SVOPL: variants seen among roughly 807,000 people sequenced by gnomAD.
The protein encoded by SVOPL is putative transporter SVOPL.
In SVOPL, 60 loss-of-function variants were observed where a neutral mutation model predicts 61.0. That is an observed-to-expected ratio of 0.98 (90% CI 0.80 to 1.22). The LOEUF (loss-of-function observed/expected upper bound fraction) is 1.22, where lower values mean the gene tolerates loss of function less well. SVOPL is among the 50% of genes most tolerant of loss of function. The probability of loss-of-function intolerance (pLI) is 0.00; values close to 1 mark genes in which losing one functional copy is unlikely to be tolerated. For missense variants in SVOPL, 662 were observed against 643.9 expected (o/e 1.03, Z -0.30); for synonymous variants, 279 against 250.0 (o/e 1.12, Z -1.09).
At chr7:138,676,270 G>A (rs113379411) in intron 3 of SVOPL, among the ~76,000 whole-genome samples, 1 of 152,166 alleles carries the variant, frequency 6.6e-6, no homozygotes, top group Non-Finnish European at 1.5e-5. Flanking sequence ...AATAGCGTAG[G>A]GTGTTTGTCT....
chr7:138,690,835 C>T (rs1417208747), intron 1 of SVOPL, among the ~76,000 whole-genome samples: 2 of 151,928 alleles, frequency 1.3e-5, no homozygotes, highest in Non-Finnish European at 2.9e-5. Flanking sequence ...TGCAGTGGCG[C>T]AATCTCAGCT....
rs752841132 is a variant in SVOPL at position 138,656,497 on chromosome 7, G to A, written c.485C>T (p.Thr162Ile). 6.2e-7 allele frequency: 1 copy of A among 1,613,952 alleles called. No individual in the cohort carries two copies. Among genetic ancestry groups the A allele is most frequent in the Non-Finnish European group, 8.5e-7 (1 of 1,179,960 alleles). Residue 162 changes from threonine to isoleucine, a missense_variant, in exon 7 of 16, where the codon ACT (threonine) becomes ATT (isoleucine). Transcript: ENST00000674285. ...TCGGTATTTCGTGGGCAAAAATTCA[G>A]TCTTTATGATTAACCTAAACAGGAA... ...SGHSQGLIIK[T>I]EFLPTKYRGY...
intron 6 of SVOPL, among the ~76,000 whole-genome samples, chr7:138,658,572 G>A (rs1007082949): frequency 7.2e-5 from 11 of 152,094 alleles, no homozygotes; most frequent in African/African-American, 2.2e-4. Flanking sequence ...CCACCACCAC[G>A]CCCAGCCTGG....
chr7:138,697,888 C>T (rs1803105338), intron 1 of SVOPL, among the ~76,000 whole-genome samples: 1 of 151,466 alleles, frequency 6.6e-6, no homozygotes, highest in Non-Finnish European at 1.5e-5. Flanking sequence ...TAGGAACAAA[C>T]AATTCACAAG....
At chr7:138,645,392 A>ACG (rs2117003493) in intron 8 of SVOPL, among the ~76,000 whole-genome samples, 1 of 152,278 alleles carries the variant, frequency 6.6e-6, no homozygotes, top group East Asian at 1.9e-4. Context: ...CCCGTCTCTC[A>ACG]CGCCTCACGC....
intron 13 of SVOPL, chr7:138,625,299 T>C (rs1584797333): frequency 6.6e-6 from 1 of 152,208 alleles, no homozygotes; most frequent in Admixed American, 6.5e-5. Flanking sequence ...TTAATCGCAA[T>C]AGACTTCCCC....
intron 8 of SVOPL, among the ~76,000 whole-genome samples, chr7:138,648,494 G>A (rs1393628780): frequency 7.4e-6 from 1 of 135,494 alleles, no homozygotes; most frequent in Non-Finnish European, 1.5e-5. Context: ...GAGGTCAGGA[G>A]ATCGAGACCA....
chr7:138,601,756 A>G (rs532296137), intron 14 of SVOPL, among the ~76,000 whole-genome samples: 1 of 152,224 alleles, frequency 6.6e-6, no homozygotes, highest in East Asian at 1.9e-4. Flanking sequence ...CCTAGAAATT[A>G]TTCAATAGAC....
intron 11 of SVOPL, 41 bp downstream of exon 11, chr7:138,628,117 C>A: frequency 6.2e-7 from 1 of 1,609,722 alleles, no homozygotes; most frequent in Non-Finnish European, 8.5e-7. Context: ...GCACATAGAC[C>A]ACCCAAGACA....
In SVOPL at chr7:138,594,531, C is replaced by A; in HGVS notation, c.*79G>T. On this transcript the variant is annotated 3_prime_UTR_variant, in exon 16 of 16. Transcript: ENST00000674285. ...TACCGAGTAGCATACAGAAGTAAAA[C>A]CAAGTTTTAAAAAAATGCACCGCAG... 2 of 1,434,140 alleles carry A rather than the reference C, an allele frequency of 1.4e-6. No individual in the cohort carries two copies. The highest frequency in any genetic ancestry group is 4.6e-5 in the East Asian group (2 of 43,146). The allele number at this position is 1,434,140 out of a possible 1,614,324, so 88.8% of individuals were successfully genotyped here. A position where few individuals can be genotyped will look rare whatever the true frequency, so the allele number is the denominator to read the frequency against.
chr7:138,645,033 T>G (rs1260325390), intron 8 of SVOPL, among the ~76,000 whole-genome samples, 188 bp from the exon 9 acceptor site: 2 of 152,202 alleles, frequency 1.3e-5, no homozygotes, highest in Non-Finnish European at 2.9e-5. Flanking sequence ...AAAGGTCATG[T>G]TCTCCTTATC....
chr7:138,683,016 A>C (rs983908690), intron 1 of SVOPL, among the ~76,000 whole-genome samples: 5 of 151,824 alleles, frequency 3.3e-5, no homozygotes, highest in East Asian at 1.9e-4. Flanking sequence ...TGTGAGAGAG[A>C]TATAGATACA....
At chr7:138,623,758 ATTTG>A (rs1023250983) in intron 13 of SVOPL, among the ~76,000 whole-genome samples, 2 of 152,048 alleles carry the variant, frequency 1.3e-5, no homozygotes, top group African/African-American at 4.8e-5. Context: ...ATAACTTTAG[ATTTG>A]TTTTTGTTTT....
intron 9 of SVOPL, among the ~76,000 whole-genome samples, chr7:138,641,809 A>AT (rs1335889981): frequency 7.0e-5 from 3 of 42,584 alleles, no homozygotes; most frequent in African/African-American, 2.1e-4. Context: ...TCAAATATAT[A>AT]TATGTTATAT....
At chr7:138,675,408 C>T in intron 3 of SVOPL, among the ~76,000 whole-genome samples, 1 of 152,034 alleles carries the variant, frequency 6.6e-6, no homozygotes, top group East Asian at 1.9e-4. Context: ...GGCTAGAGTA[C>T]AGTGGCGCGA....
rs1014192920 is a variant in SVOPL, at chr7:138,625,891, A to G, written c.1263+78T>C. On this transcript the variant is annotated intron_variant, in intron 13 of 15. Coordinates refer to ENST00000674285, the MANE Select transcript of SVOPL (RefSeq NM_001139456.2). ...CATCAAAAGTCAACAGAAGCCAGGC[A>G]TGCATTACCTTTGGATGGACATCCT... 19 of 1,364,476 alleles carry G rather than the reference A, an allele frequency of 1.4e-5. 1 individual carries two copies. Among genetic ancestry groups the G allele is most frequent in the Non-Finnish European group, 2.0e-5 (19 of 973,810 alleles). 84.5% of individuals were successfully genotyped at this position (1,364,476 alleles called of 1,614,324 possible). A position where few individuals can be genotyped will look rare whatever the true frequency, so the allele number is the denominator to read the frequency against.
At chr7:138,628,106 T>A in intron 11 of SVOPL, 52 bp downstream of exon 11, 1 of 1,602,466 alleles carries the variant, frequency 6.2e-7, no homozygotes, top group Non-Finnish European at 8.5e-7. Flanking sequence ...AAGACTCAAG[T>A]GCACATAGAC....
At position 138,678,527 on chromosome 7, in the gene SVOPL, TAAC is replaced by T. The variant is rs1161805543; in HGVS notation, c.83-5_83-3del. On this transcript the variant is annotated splice_region_variant and splice_polypyrimidine_tract_variant and intron_variant, in intron 2 of 15. Transcript: ENST00000674285. The stretch of plus-strand genomic sequence containing the variant: ...CTTCCACGGTGAACGTCTTTGGCTC[TAAC>T]AACGAAAGACAAAGTGGAAAAAATT... 2 of 1,551,878 alleles carry T rather than the reference TAAC, an allele frequency of 1.3e-6. No individual in the cohort carries two copies. The highest frequency in any genetic ancestry group is 1.7e-6 in the Non-Finnish European group (2 of 1,147,038).
chr7:138,618,529 T>A (rs1283128372), intron 14 of SVOPL, among the ~76,000 whole-genome samples: 3 of 151,892 alleles, frequency 2.0e-5, no homozygotes, highest in Admixed American at 6.6e-5. Flanking sequence ...AGAGCGGTGG[T>A]GGGTGCCTGT....
Sources: allele counts gnomAD v4.1 joint callset (sites outside exome capture counted in the v4.1 genomes callset), GRCh38; gene constraint gnomAD v4.1.1; transcripts MANE v1.5; gene names NCBI Gene and HGNC (gene_info 2026-07-23, HGNC 2026-07-21).